Variants in PLXNB1 observed in about 807,000 individuals in gnomAD.
The protein encoded by PLXNB1 is plexin B1.
In PLXNB1, 106 loss-of-function variants were observed where a neutral mutation model predicts 209.4. That is an observed-to-expected ratio of 0.51 (90% CI 0.43 to 0.59). The LOEUF is 0.59. Among genes scored for constraint, PLXNB1 ranks in the 20% least tolerant of loss-of-function variants. The pLI is 0.00. For missense variants in PLXNB1, 2,357 were observed against 2,853.2 expected, an observed-to-expected ratio of 0.83 and a Z score of 3.96; for synonymous variants, 1,167 against 1,183.2, an observed-to-expected ratio of 0.99 and a Z score of 0.28.
At position 48,405,622 on chromosome 3, in the gene PLXNB1, G is replaced by T; in HGVS notation, c.6303+102C>A. On this transcript the variant is annotated intron_variant, in intron 37 of 37. Transcript: ENST00000296440. This position sits in a 1 kb window ranked among gnomAD's most constrained non-coding sequence, Gnocchi z 5.0. The stretch of plus-strand genomic sequence containing the variant: ...CCGGCCCCCCACTACTCTGTCCCTG[G>T]GGAAGACCAAAGCCCCCAACGTGAG... 1 of 907,668 alleles carries T rather than the reference G, an allele frequency of 1.1e-6. No homozygotes were observed. Among genetic ancestry groups the T allele is most frequent in the Non-Finnish European group, 1.7e-6 (1 of 576,542 alleles). The allele number at this position is 907,668 out of a possible 1,614,324, so 56.2% of individuals were successfully genotyped here.
chr3:48,412,817 C>G lies in PLXNB1; in HGVS notation c.4779G>C (p.Glu1593Asp). 1.2e-6 allele frequency: 2 copies of G among 1,613,746 alleles called. No homozygotes were observed. Among genetic ancestry groups the G allele is most frequent in the Non-Finnish European group, 1.7e-6 (2 of 1,180,022 alleles). Residue 1593 changes from glutamate (E) to aspartate (D), a missense_variant, in exon 25 of 38, where the codon GAG becomes GAC. Glu to Asp is a conservative substitution (Grantham distance 45, BLOSUM62 2). Coordinates refer to ENST00000296440, the MANE Select transcript of PLXNB1 (RefSeq NM_001130082.3). ...SPLHRDLGVPESRRPTVEQGL... is the reference protein window; with the variant it reads ...SPLHRDLGVPDSRRPTVEQGL... Reference sequence around the variant, plus strand: ...CTTGCTCCACAGTGGGCCGTCTGCTCTCAGGCACACCCAGGTCCCGGTGCA... The same window carrying G: ...CTTGCTCCACAGTGGGCCGTCTGCTGTCAGGCACACCCAGGTCCCGGTGCA...
In PLXNB1 at chr3:48,418,423, A is replaced by G; in HGVS notation, c.3049+26T>C. 1 of 1,613,080 alleles carries G rather than the reference A, an allele frequency of 6.2e-7. No homozygotes were observed. Among genetic ancestry groups the G allele is most frequent in the Non-Finnish European group, 8.5e-7 (1 of 1,179,746 alleles). The stretch of plus-strand genomic sequence containing the variant: ...CTGGGAGAGCCCTGCTACCACCGCC[A>G]GCCCAGCAGCCCGCAGGTGGCTCAC... On this transcript the variant is annotated intron_variant, in intron 14 of 37. Transcript: ENST00000296440. The surrounding 1 kb of genome is among the most constrained non-coding windows in gnomAD (Gnocchi z 6.6).
At position 48,423,753 on chromosome 3, in the gene PLXNB1, C is replaced by A; in HGVS notation, c.859G>T (p.Val287Leu). ...GCAAAGAGCACCTCCCCATGCGCCA[C>A]CTCCCTGGACGTGGCCACAGCTGCA... is the stretch of plus-strand genomic sequence containing the variant. ...QAAAVATSREVAHGEVLFAAF... is the reference protein window; with the variant it reads ...QAAAVATSRELAHGEVLFAAF... Residue 287 changes from valine (V) to leucine (L), a missense_variant, in exon 3 of 38, where the codon GTG (valine) becomes TTG (leucine). Coordinates refer to ENST00000296440, the MANE Select transcript of PLXNB1 (RefSeq NM_001130082.3). 1.2e-6 allele frequency: 2 copies of A among 1,613,932 alleles called. No homozygotes were observed. Among genetic ancestry groups the A allele is most frequent in the Non-Finnish European group, 1.7e-6 (2 of 1,179,974 alleles).
Position 48,419,917 on chromosome 3 carries a change from G to A in PLXNB1, c.2369C>T (p.Ser790Phe). The A allele has an allele frequency of 6.4e-7, 1 of 1,564,584 alleles. No individual in the cohort carries two copies. Among genetic ancestry groups the A allele is most frequent in the Non-Finnish European group, 8.7e-7 (1 of 1,152,414 alleles). Residue 790 changes from serine (S) to phenylalanine (F), a missense_variant, in exon 11 of 38, where the codon TCC (serine) becomes TTC (phenylalanine). Physicochemically the swap from Ser to Phe is radical, Grantham distance 155 (BLOSUM62 -2). Coordinates refer to ENST00000296440, the MANE Select transcript of PLXNB1 (RefSeq NM_001130082.3). This position sits in a 1 kb window ranked among gnomAD's most constrained non-coding sequence, Gnocchi z 5.7. ...TGCTACCTCTGAGGGTGACAGCGGG[G>A]AGGCCAAGAGGTCCTCAGGTGTGGC... is the stretch of plus-strand genomic sequence containing the variant. ...PSATPEDLLASPLSPSEVAAV... is the reference protein window; with the variant it reads ...PSATPEDLLAFPLSPSEVAAV...
In PLXNB1 at chr3:48,410,664, C is replaced by A; in HGVS notation, c.5417-106G>T. The A allele has an allele frequency of 9.9e-7, 1 of 1,012,756 alleles. No homozygotes were observed. Among genetic ancestry groups the A allele is most frequent in the South Asian group, 1.4e-5 (1 of 69,550 alleles). The allele number at this position is 1,012,756 out of a possible 1,614,324, so 62.7% of individuals were successfully genotyped here. On this transcript the variant is annotated intron_variant, in intron 29 of 37. Coordinates refer to ENST00000296440, the MANE Select transcript of PLXNB1 (RefSeq NM_001130082.3). The surrounding 1 kb of genome is among the most constrained non-coding windows in gnomAD (Gnocchi z 6.4). ...CACCAGCCCCTCCATCATGGGGCAGCCTTACTCAACCTCTCCAAAGACCAA... is the reference window on the plus strand; with the variant it reads ...CACCAGCCCCTCCATCATGGGGCAGACTTACTCAACCTCTCCAAAGACCAA...
chr3:48,406,077 C>G lies in PLXNB1; in HGVS notation c.6229-279G>C. The G allele has an allele frequency of 2.7e-6, 1 of 375,880 alleles. No homozygotes were observed. Among genetic ancestry groups the G allele is most frequent in the Non-Finnish European group, 5.1e-6 (1 of 197,652 alleles). The allele number at this position is 375,880 out of a possible 1,614,324, so 23.3% of individuals were successfully genotyped here. A position where few individuals can be genotyped will look rare whatever the true frequency, so the allele number is the denominator to read the frequency against. On this transcript the variant is annotated intron_variant, in intron 36 of 37. Coordinates refer to ENST00000296440, the MANE Select transcript of PLXNB1 (RefSeq NM_001130082.3). This position sits in a 1 kb window ranked among gnomAD's most constrained non-coding sequence, Gnocchi z 4.4. ...CAAGGTCTGGGGTTTCCACTGAAGC[C>G]CTGCCTCTCTCACCCCCTTGAGGTT...
chr3:48,404,564 G>C lies in PLXNB1; in HGVS notation c.6330C>G (p.Gly2110=). 6.2e-7 allele frequency: 1 copy of C among 1,613,064 alleles called. No homozygotes were observed. Among genetic ancestry groups the C allele is most frequent in the South Asian group, 1.1e-5 (1 of 91,026 alleles). The change falls in exon 38 of 38, where the codon GGC becomes GGG. Residue 2110 remains glycine (G), a synonymous_variant. Transcript: ENST00000296440. ...AGCCCAGCTGCATCTTCTGGGCCGT[G>C]CCATCCTCCTCCAGGGCAGTGATGA... ...DQIITALEED[G]TAQKMQLGYR... is the part of the protein sequence containing the mutation.
At position 48,423,915 on chromosome 3, in the gene PLXNB1, G is replaced by A. The variant is rs148074969; in HGVS notation, c.697C>T (p.Leu233=). 1.5e-4 allele frequency: 236 copies of A among 1,614,182 alleles called. No individual in the cohort carries two copies. In the African/African-American group the frequency reaches 2.4e-3, roughly 16 times the overall value. ...GACTGAGCCTGCAGGTCCCGCCGCA[G>A]GAACAGGAAGTAGGCGCTGGCCCCA... ...ARGASAYFLF[L]RRDLQAQSRA... The change falls in exon 3 of 38, where the codon CTG becomes TTG. Residue 233 remains leucine, a synonymous_variant. Transcript: ENST00000296440.
At chr3:48,414,685 A>G (rs1463148052) in intron 21 of PLXNB1, 114 bp downstream of exon 21, 1 of 1,285,286 alleles carries the variant, frequency 7.8e-7, no homozygotes, top group Non-Finnish European at 1.1e-6. Context: ...ATGAGGAGCC[A>G]TGTCCATCCA....
intron 1 of PLXNB1, among the ~76,000 whole-genome samples, chr3:48,425,966 C>T (rs897203371): frequency 3.9e-5 from 6 of 152,144 alleles, no homozygotes; most frequent in Non-Finnish European, 7.4e-5. Flanking sequence ...AAACACACTG[C>T]AGGCACATAT....
rs1467676333 is a variant in PLXNB1 at position 48,429,262 on chromosome 3, G to A, written c.-60+746C>T. The A allele has an allele frequency of 1.3e-5, 2 of 151,758 alleles. No individual in the cohort carries two copies. The highest frequency in any genetic ancestry group is 1.9e-4 in the East Asian group (1 of 5,166). The allele number at this position is 151,758 out of a possible 1,614,324, so 9.4% of individuals were successfully genotyped here. A position where few individuals can be genotyped will look rare whatever the true frequency, so the allele number is the denominator to read the frequency against. The stretch of plus-strand genomic sequence containing the variant: ...CGAGCCCCGCACTCACCACCCGGCC[G>A]GGCCCCGCGGGATGTGCGCGCCGAG... On this transcript the variant is annotated intron_variant, in intron 1 of 37. Coordinates refer to ENST00000296440, the MANE Select transcript of PLXNB1 (RefSeq NM_001130082.3). This position sits in a 1 kb window ranked among gnomAD's most constrained non-coding sequence, Gnocchi z 6.4.
rs910130935 is a variant in PLXNB1, at chr3:48,430,024, C to T, written c.-76G>A. Reference sequence around the variant, plus strand: ...TTTCTTTACCTGAACTCCAAGGCGCCTTGTTTCTCCCCTGCGCACCTGGCC... The same window carrying T: ...TTTCTTTACCTGAACTCCAAGGCGCTTTGTTTCTCCCCTGCGCACCTGGCC... On this transcript the variant is annotated 5_prime_UTR_variant, in exon 1 of 38. Transcript: ENST00000296440. 1 of 152,618 alleles carries T rather than the reference C, an allele frequency of 6.6e-6. No individual in the cohort carries two copies. The highest frequency in any genetic ancestry group is 1.5e-5 in the Non-Finnish European group (1 of 68,270). The allele number at this position is 152,618 out of a possible 1,614,324, so 9.5% of individuals were successfully genotyped here.
chr3:48,413,084 T>C lies in PLXNB1; in HGVS notation c.4621A>G (p.Lys1541Glu). ...NLESSVRDRC[K>E]KEFTDLMTEM... ...TCAGCCACACCTGTGAATTCCTTCT[T>C]GCAGCGGTCCCGCACACTGCTCTCC... is the stretch of plus-strand genomic sequence containing the variant. The change falls in exon 24 of 38, where the codon AAG (lysine) becomes GAG (glutamate). Residue 1541 changes from lysine (K) to glutamate (E), a missense_variant. Physicochemically the swap from Lys to Glu is moderately conservative, Grantham distance 56 (BLOSUM62 1). This residue lies in a region of PLXNB1 where 743 missense variants were observed against 896.2 expected (regional missense o/e 0.83). Transcript: ENST00000296440. This position sits in a 1 kb window ranked among gnomAD's most constrained non-coding sequence, Gnocchi z 5.4. 2 of 1,613,784 alleles carry C rather than the reference T, an allele frequency of 1.2e-6. No individual in the cohort carries two copies. Among genetic ancestry groups the C allele is most frequent in the Non-Finnish European group, 1.7e-6 (2 of 1,179,764 alleles).
Position 48,410,962 on chromosome 3 carries a change from A to G in PLXNB1, c.5322T>C (p.Cys1774=), listed in dbSNP as rs771949296. The G allele has an allele frequency of 2.5e-6, 4 of 1,613,922 alleles. No individual in the cohort carries two copies. Among genetic ancestry groups the G allele is most frequent in the Non-Finnish European group, 3.4e-6 (4 of 1,179,964 alleles). The part of the protein sequence containing the change: ...AQGVPVKVLD[C]DTISQAKEKM... ...TCTCCTTTGCCTGGGAGATGGTGTC[A>G]CAGTCTAGGACCTTCACGGGCACGC... Residue 1774 remains cysteine, a synonymous_variant, in exon 29 of 38, where the codon TGT becomes TGC. Transcript: ENST00000296440. The surrounding 1 kb of genome is among the most constrained non-coding windows in gnomAD (Gnocchi z 6.4).
In PLXNB1 at chr3:48,421,748, A is replaced by C. The variant is rs780509333; in HGVS notation, c.1579T>G (p.Phe527Val). 6.2e-7 allele frequency: 1 copy of C among 1,610,648 alleles called. No homozygotes were observed. Among genetic ancestry groups the C allele is most frequent in the African/African-American group, 1.3e-5 (1 of 74,884 alleles). Reference sequence around the variant, plus strand: ...TGCAGACAGCCCAGCTCAGGCTGGAAGCTCCATAGCCACTGCTCTGGGCCC... The same window carrying C: ...TGCAGACAGCCCAGCTCAGGCTGGACGCTCCATAGCCACTGCTCTGGGCCC... ...GQGPEQWLWS[F>V]QPELGCLQVA... The change falls in exon 7 of 38, where the codon TTC (phenylalanine) becomes GTC (valine). Residue 527 changes from phenylalanine to valine, a missense_variant. Transcript: ENST00000296440.
Position 48,413,292 on chromosome 3 carries a change from G to T in PLXNB1, c.4536-123C>A. 1.3e-6 allele frequency: 1 copy of T among 784,182 alleles called. No homozygotes were observed. The highest frequency in any genetic ancestry group is 2.2e-6 in the Non-Finnish European group (1 of 462,678). 48.6% of individuals were successfully genotyped at this position (784,182 alleles called of 1,614,324 possible). ...AGTCCAATGCAGCCATGCCAGCCAA[G>T]CTCAAGCCTAGCCCAGTACGATTCA... is the stretch of plus-strand genomic sequence containing the variant. On this transcript the variant is annotated intron_variant, in intron 23 of 37. Transcript: ENST00000296440. This position sits in a 1 kb window ranked among gnomAD's most constrained non-coding sequence, Gnocchi z 5.4.
Position 48,412,623 on chromosome 3 carries a change from G to T in PLXNB1, c.4855-3C>A, listed in dbSNP as rs748348807. On this transcript the variant is annotated splice_polypyrimidine_tract_variant and splice_region_variant and intron_variant, in intron 25 of 37. Transcript: ENST00000296440. ...TGGCTCTCCAGCGTGTGGATGAACT[G>T]CAGCCAAAGAGAAGGGATGGGAAAA... 2.5e-6 allele frequency: 4 copies of T among 1,613,040 alleles called. No individual in the cohort carries two copies. The highest frequency in any genetic ancestry group is 3.4e-6 in the Non-Finnish European group (4 of 1,179,680).
chr3:48,419,726 C>T lies in PLXNB1; in HGVS notation c.2560G>A (p.Glu854Lys), dbSNP rs151201859. The T allele has an allele frequency of 8.2e-4, 1,319 of 1,611,182 alleles. 13 individuals are homozygous for T. In the South Asian group the frequency reaches 0.011, roughly 13 times the overall value. ...REGGELPEADEWTGGDAPAFS... is the reference protein window; with the variant it reads ...REGGELPEADKWTGGDAPAFS... Reference sequence around the variant, plus strand: ...GCGGGTGCGTCACCCCCCGTCCACTCGTCCGCCTCGGGCAGCTCGCCGCCT... The same window carrying T: ...GCGGGTGCGTCACCCCCCGTCCACTTGTCCGCCTCGGGCAGCTCGCCGCCT... The change falls in exon 11 of 38, where the codon GAG becomes AAG. Residue 854 changes from glutamate to lysine, a missense_variant. Physicochemically the swap from Glu to Lys is moderately conservative, Grantham distance 56. Around this residue, in one of 7 missense-constraint regions of PLXNB1, gnomAD observed 410 missense variants for 401.0 expected, o/e 1.02. Transcript: ENST00000296440. The surrounding 1 kb of genome is among the most constrained non-coding windows in gnomAD (Gnocchi z 5.7).
Position 48,422,160 on chromosome 3 carries a change from C to G in PLXNB1, c.1465G>C (p.Ala489Pro). ...GGGTCCCTGTGAGCAAGGCAAGATG[C>G]ACAGTCCAGGTGCTGAGCACAGGAA... ...VASCAQHLDC[A>P]SCLAHRDPYC... is the part of the protein sequence containing the mutation. Residue 489 changes from alanine to proline, a missense_variant, in exon 6 of 38, where the codon GCA (alanine) becomes CCA (proline). Physicochemically the swap from Ala to Pro is conservative, Grantham distance 27. Transcript: ENST00000296440. The G allele has an allele frequency of 1.9e-6, 3 of 1,614,186 alleles. No homozygotes were observed. The highest frequency in any genetic ancestry group is 2.5e-6 in the Non-Finnish European group (3 of 1,180,010).
Sources: allele counts gnomAD v4.1 joint callset (sites outside exome capture counted in the v4.1 genomes callset), GRCh38; gene constraint gnomAD v4.1.1; regional missense constraint gnomAD v4.1.1; non-coding constraint Gnocchi (gnomAD v3.1); transcripts MANE v1.5; gene names NCBI Gene and HGNC (gene_info 2026-07-23, HGNC 2026-07-21).